The following UTP20 variants were observed in gnomAD, a reference collection of about 807,000 sequenced individuals.
The protein encoded by UTP20 is UTP20 small subunit processome component, also known as small subunit processome component 20 homolog.
A neutral mutation model predicts 329.5 loss-of-function variants in UTP20; 164 were observed. The observed-to-expected ratio is 0.50, with a 90% confidence interval of 0.44 to 0.57. UTP20 has a LOEUF of 0.57. Among genes scored for constraint, UTP20 ranks in the 20% least tolerant of loss-of-function variants. The pLI is 0.00. For synonymous variants in UTP20, 1,151 were observed against 1,159.3 expected (o/e 0.99, Z 0.14); for missense variants, 3,055 against 3,284.2 (o/e 0.93, Z 1.71).
At chr12:101,292,204 C>G (rs143081280) in intron 10 of UTP20, 100 bp downstream of exon 10, 109 of 1,297,330 alleles carry the variant, frequency 8.4e-5, no homozygotes, top group South Asian at 4.4e-4. Context: ...AGGCTCTGCC[C>G]TCAAGGAATT....
Position 101,300,821 on chromosome 12 carries a change from CA to C in UTP20, c.1675+762del, listed in dbSNP as rs1464127581. Among the ~76,000 whole-genome samples, 5 of 152,190 alleles carry C rather than the reference CA, an allele frequency of 3.3e-5. No individual in the cohort carries two copies. In the South Asian group the frequency reaches 1.0e-3, roughly 32 times the overall value. On this transcript the variant is annotated intron_variant, in intron 14 of 61. Transcript: ENST00000261637. ...AGAATAAAGTGGACTCGCCGCATGT[CA>C]AGTGCTCTGTAGCCATATGTGACTG... is the stretch of plus-strand genomic sequence containing the variant.
intron 21 of UTP20, among the ~76,000 whole-genome samples, chr12:101,316,186 C>A (rs902417844): frequency 6.6e-6 from 1 of 152,164 alleles, no homozygotes; most frequent in Admixed American, 6.5e-5. Context: ...CCCTTGTAAA[C>A]ATTCTCTGAG....
At chr12:101,306,899 C>T (rs1425520744) in intron 17 of UTP20, 138 bp downstream of exon 17, 9 of 824,340 alleles carry the variant, frequency 1.1e-5, no homozygotes, top group East Asian at 3.2e-5. Context: ...TTTGGCTGGG[C>T]GCGGTGGCTC....
Position 101,338,810 on chromosome 12 carries a change from CA to C in UTP20, c.3869-2del. On this transcript the variant is annotated splice_acceptor_variant, in intron 30 of 61. Transcript: ENST00000261637. LOFTEE classifies it high-confidence loss of function. ...AATCAAATCAAATCACTATCTATTTCAGAGTCTATCACAATAGGAGGAAGAT... is the reference window on the plus strand; with the variant it reads ...AATCAAATCAAATCACTATCTATTTCGAGTCTATCACAATAGGAGGAAGAT... 1 of 1,593,452 alleles carries C rather than the reference CA, an allele frequency of 6.3e-7. No individual in the cohort carries two copies. The highest frequency in any genetic ancestry group is 8.5e-7 in the Non-Finnish European group (1 of 1,174,302).
At chr12:101,291,299 A>C (rs1339492302) in intron 8 of UTP20, 1 of 164,818 alleles carries the variant, frequency 6.1e-6, no homozygotes, top group Non-Finnish European at 1.3e-5. Flanking sequence ...TCACACCTGT[A>C]ATCCCAGCAC....
chr12:101,280,142 A>G lies in UTP20; in HGVS notation c.-141A>G. On this transcript the variant is annotated 5_prime_UTR_variant, in exon 1 of 62. Coordinates refer to ENST00000261637, the MANE Select transcript of UTP20 (RefSeq NM_014503.3). The stretch of plus-strand genomic sequence containing the variant: ...CCTTGTCTCCAACATGGCGGCGCCC[A>G]GGGGCTCAAGCCGCACGTGAGAAAG... 2.1e-5 allele frequency: 23 copies of G among 1,114,644 alleles called. No homozygotes were observed. The highest frequency in any genetic ancestry group is 2.0e-4 in the Middle Eastern group (1 of 4,904). The allele number at this position is 1,114,644 out of a possible 1,614,324, so 69.0% of individuals were successfully genotyped here.
At position 101,362,213 on chromosome 12, in the gene UTP20, A is replaced by T. The variant is rs530049717; in HGVS notation, c.5790+153A>T. 2.0e-5 allele frequency among the ~76,000 whole-genome samples: 3 copies of T among 152,332 alleles called. No individual in the cohort carries two copies. In the East Asian group the frequency reaches 5.8e-4, roughly 29 times the overall value. ...ATTAGCAGAGGTTTAAAGAGCTAAG[A>T]CTAAAGCGAGATGGGCACTCTGTCA... On this transcript the variant is annotated intron_variant, in intron 44 of 61. Coordinates refer to ENST00000261637, the MANE Select transcript of UTP20 (RefSeq NM_014503.3).
intron 21 of UTP20, among the ~76,000 whole-genome samples, chr12:101,316,603 C>G (rs1042173439): frequency 6.6e-6 from 1 of 152,068 alleles, no homozygotes; most frequent in Non-Finnish European, 1.5e-5. Context: ...GCTAGAGTTT[C>G]TTTTAGGAGG....
At position 101,354,973 on chromosome 12, in the gene UTP20, C is replaced by T; in HGVS notation, c.5249C>T (p.Thr1750Ile). The change falls in exon 41 of 62, where the codon ACA (threonine) becomes ATA (isoleucine). Residue 1750 changes from threonine to isoleucine, a missense_variant. Physicochemically the swap from Thr to Ile is moderately conservative, Grantham distance 89. Coordinates refer to ENST00000261637, the MANE Select transcript of UTP20 (RefSeq NM_014503.3). ...GTPDPADSGG[T>I]SAKESECITK... ...CCTGATCCAGCTGACTCTGGAGGAA[C>T]ATCAGCTAAAGAATCCGAGTGTATC... is the stretch of plus-strand genomic sequence containing the variant. 1 of 1,614,200 alleles carries T rather than the reference C, an allele frequency of 6.2e-7. No homozygotes were observed. Among genetic ancestry groups the T allele is most frequent in the Non-Finnish European group, 8.5e-7 (1 of 1,180,026 alleles).
At chr12:101,363,072 G>A (rs1869979561) in intron 44 of UTP20, among the ~76,000 whole-genome samples, 1 of 111,712 alleles carries the variant, frequency 9.0e-6, no homozygotes, top group Non-Finnish European at 1.5e-5. Flanking sequence ...GCTGGAGGTT[G>A]CAATGAGCTG....
intron 15 of UTP20, 86 bp from the exon 16 acceptor site, chr12:101,305,829 A>G: frequency 1.5e-6 from 2 of 1,344,944 alleles, no homozygotes; most frequent in Non-Finnish European, 1.9e-6. Context: ...TTTCTTCATC[A>G]GTGATCATTT....
At chr12:101,315,535 A>G (rs1872946523) in intron 21 of UTP20, among the ~76,000 whole-genome samples, 1 of 152,146 alleles carries the variant, frequency 6.6e-6, no homozygotes. Flanking sequence ...GGAGATGGAT[A>G]CAGTACATAA....
chr12:101,349,296 T>A (rs763898243), intron 38 of UTP20, among the ~76,000 whole-genome samples: 1 of 152,152 alleles, frequency 6.6e-6, no homozygotes, highest in Non-Finnish European at 1.5e-5. Context: ...TTTTAAGCCA[T>A]TTGATTGTGA....
chr12:101,337,533 T>C (rs141283219), intron 29 of UTP20, among the ~76,000 whole-genome samples: 1 of 152,362 alleles, frequency 6.6e-6, no homozygotes, highest in African/African-American at 2.4e-5. Flanking sequence ...GATTCATCCC[T>C]GTCTCCCAAC....
At chr12:101,307,202 T>C (rs1196214089) in intron 17 of UTP20, among the ~76,000 whole-genome samples, 1 of 151,278 alleles carries the variant, frequency 6.6e-6, no homozygotes, top group Non-Finnish European at 1.5e-5. Context: ...AAATTGATTT[T>C]TTTTTTTTGG....
At chr12:101,311,841 GT>G in intron 20 of UTP20, 43 bp downstream of exon 20, 1 of 1,581,902 alleles carries the variant, frequency 6.3e-7, no homozygotes, top group South Asian at 1.2e-5. Context: ...AAAAGTGGTT[GT>G]TTAACTGTTT....
chr12:101,341,267 C>T (rs1001893223), intron 32 of UTP20, among the ~76,000 whole-genome samples: 2 of 151,956 alleles, frequency 1.3e-5, no homozygotes, highest in African/African-American at 2.4e-5. Context: ...CATGAGCCAC[C>T]GCGCCCGGCC....
intron 15 of UTP20, among the ~76,000 whole-genome samples, chr12:101,303,599 T>C (rs1565788487): frequency 6.6e-6 from 1 of 152,126 alleles, no homozygotes; most frequent in Non-Finnish European, 1.5e-5. Flanking sequence ...GGAGAGGTCA[T>C]CTTGGCTGAG....
intron 32 of UTP20, 48 bp from the exon 33 acceptor site, chr12:101,342,398 A>T (rs1869168832): frequency 2.0e-6 from 3 of 1,465,738 alleles, no homozygotes; most frequent in Middle Eastern, 1.8e-4. Context: ...TAAGTTGACC[A>T]GTTTATAACT....
Sources: gnomAD v4.1 joint callset for allele counts (sites outside exome capture counted in the v4.1 genomes callset) on GRCh38, gnomAD v4.1.1 for gene constraint, MANE v1.5 for transcripts, NCBI Gene and HGNC (gene_info 2026-07-23, HGNC 2026-07-21) for gene names.